GUCY1A2: variants seen among roughly 807,000 people sequenced by gnomAD.
GUCY1A2 encodes the protein guanylate cyclase 1 soluble subunit alpha 2, also known as guanylate cyclase soluble subunit alpha-2.
In GUCY1A2, 27 loss-of-function variants were observed where a neutral mutation model predicts 63.5. The ratio of observed to expected loss-of-function variants is 0.43; its 90% CI spans 0.31 to 0.59. GUCY1A2 has a LOEUF of 0.59. GUCY1A2 is among the 20% of genes least tolerant of loss of function. The probability of loss-of-function intolerance (pLI) is 0.11; values close to 1 mark genes in which losing one functional copy is unlikely to be tolerated. For missense variants in GUCY1A2, 768 were observed against 913.3 expected (o/e 0.84, Z 2.05); for synonymous variants, 364 against 343.5 (o/e 1.06, Z -0.66).
intron 4 of GUCY1A2, among the ~76,000 whole-genome samples, chr11:106,886,988 T>C (rs535033272): frequency 6.6e-6 from 1 of 152,220 alleles, no homozygotes; most frequent in Admixed American, 6.5e-5. Flanking sequence ...GGCATATCTC[T>C]TTTGCTTCAA....
At chr11:106,824,763 T>G in intron 4 of GUCY1A2, 1 of 1,518,500 alleles carries the variant, frequency 6.6e-7, no homozygotes. Flanking sequence ...AATAGCTGGA[T>G]TTTTACCAAG....
chr11:106,721,064 A>ATT (rs1285240704), intron 6 of GUCY1A2, among the ~76,000 whole-genome samples: 6 of 102,588 alleles, frequency 5.8e-5, no homozygotes, highest in African/African-American at 1.2e-4. Context: ...CATATTTGCA[A>ATT]ATTTTTTTTT....
chr11:106,967,083 G>C (rs931764709), intron 3 of GUCY1A2, among the ~76,000 whole-genome samples: 33 of 152,258 alleles, frequency 2.2e-4, no homozygotes, highest in African/African-American at 7.9e-4. Context: ...TATGGCAATT[G>C]GGTATTTTCA....
intron 6 of GUCY1A2, among the ~76,000 whole-genome samples, chr11:106,771,654 A>C (rs1286909602): frequency 6.6e-6 from 1 of 151,962 alleles, no homozygotes; most frequent in African/African-American, 2.4e-5. Context: ...CCAGAGACTG[A>C]GTTGGGAGGA....
At chr11:106,705,846 T>A (rs1044512551) in intron 7 of GUCY1A2, among the ~76,000 whole-genome samples, 12 of 151,770 alleles carry the variant, frequency 7.9e-5, no homozygotes, top group African/African-American at 2.7e-4. Flanking sequence ...GGCGACAGAG[T>A]AAGACTCGTC....
At chr11:106,700,279 G>C (rs773054445) in intron 7 of GUCY1A2, among the ~76,000 whole-genome samples, 5 of 151,896 alleles carry the variant, frequency 3.3e-5, no homozygotes, top group African/African-American at 7.3e-5. Flanking sequence ...TAAATATGCT[G>C]GTAAATATAT....
chr11:106,911,888 C>T (rs1357345765), intron 4 of GUCY1A2, among the ~76,000 whole-genome samples: 1 of 151,950 alleles, frequency 6.6e-6, no homozygotes, highest in Non-Finnish European at 1.5e-5. Flanking sequence ...GGCAAAACAA[C>T]CAAATACTCT....
intron 4 of GUCY1A2, among the ~76,000 whole-genome samples, chr11:106,908,729 C>T (rs182262494): frequency 4.9e-4 from 75 of 152,038 alleles, no homozygotes; most frequent in African/African-American, 1.6e-3. Context: ...AACTTATTGA[C>T]CAAGAGGATA....
At chr11:106,730,274 C>A (rs1863480285) in intron 6 of GUCY1A2, among the ~76,000 whole-genome samples, 1 of 151,472 alleles carries the variant, frequency 6.6e-6, no homozygotes, top group Non-Finnish European at 1.5e-5. Context: ...TCTCCTCCTA[C>A]CCCCTGCCCT....
At chr11:106,952,120 A>G (rs982587721) in intron 3 of GUCY1A2, among the ~76,000 whole-genome samples, 2 of 152,152 alleles carry the variant, frequency 1.3e-5, no homozygotes, top group South Asian at 2.1e-4. Flanking sequence ...TACCAGTACC[A>G]TGCTATTTTG....
intron 1 of GUCY1A2, among the ~76,000 whole-genome samples, chr11:106,988,981 C>A (rs890291117): frequency 4.6e-5 from 7 of 152,208 alleles, no homozygotes; most frequent in Admixed American, 3.3e-4. Flanking sequence ...ATGATTTCTG[C>A]CTCTGGGGTG....
chr11:106,822,020 G>C (rs1253684019), intron 4 of GUCY1A2, among the ~76,000 whole-genome samples: 1 of 152,076 alleles, frequency 6.6e-6, no homozygotes, highest in African/African-American at 2.4e-5. Context: ...CAAATAACTA[G>C]AATTTAGGCT....
At chr11:106,957,305 T>A (rs893490644) in intron 3 of GUCY1A2, among the ~76,000 whole-genome samples, 2 of 150,894 alleles carry the variant, frequency 1.3e-5, no homozygotes, top group Non-Finnish European at 3.0e-5. Flanking sequence ...GCTGGTTGCC[T>A]CTTCTTCCCC....
At chr11:106,718,623 C>CA (rs931617459) in intron 6 of GUCY1A2, among the ~76,000 whole-genome samples, 1 of 151,704 alleles carries the variant, frequency 6.6e-6, no homozygotes, top group African/African-American at 2.4e-5. Context: ...TACCTCTGTG[C>CA]AAAAAAAGTC....
intron 4 of GUCY1A2, among the ~76,000 whole-genome samples, chr11:106,823,462 G>A (rs186972136): frequency 1.3e-5 from 2 of 152,228 alleles, no homozygotes; most frequent in East Asian, 3.9e-4. Flanking sequence ...TACTTGGCAT[G>A]CATATACCAC....
At chr11:106,744,398 C>T (rs986156440) in intron 6 of GUCY1A2, among the ~76,000 whole-genome samples, 1 of 152,134 alleles carries the variant, frequency 6.6e-6, no homozygotes. Context: ...AGGCACCCAC[C>T]ACCACACCCG....
rs745524022 is a variant in GUCY1A2, at chr11:106,683,857, C to G, written c.*3692G>C. 1 of 206,112 alleles carries G rather than the reference C, an allele frequency of 4.9e-6. No individual in the cohort carries two copies. The highest frequency in any genetic ancestry group is 2.3e-5 in the African/African-American group (1 of 43,766). 12.8% of individuals were successfully genotyped at this position (206,112 alleles called of 1,614,324 possible). On this transcript the variant is annotated 3_prime_UTR_variant, in exon 8 of 8. Coordinates refer to ENST00000526355, the MANE Select transcript of GUCY1A2 (RefSeq NM_000855.3). ...TTTTGAGCTCCTACCTGATGCCTTA[C>G]GACTTTAGATACACAATTTCATTCA...
chr11:106,940,071 A>T lies in GUCY1A2; in HGVS notation c.595T>A (p.Phe199Ile). 6.2e-7 allele frequency: 1 copy of T among 1,613,644 alleles called. No individual in the cohort carries two copies. The highest frequency in any genetic ancestry group is 8.5e-7 in the Non-Finnish European group (1 of 1,179,538). ...LRAVGGTLQD[F>I]FNGFDALLEH... ...AACAAAGCATCAAAGCCGTTAAAAA[A>T]GTCCTGCAAAGTGCCACCTACAGCT... Residue 199 changes from phenylalanine (F) to isoleucine (I), a missense_variant, in exon 4 of 8, where the codon TTT (phenylalanine) becomes ATT (isoleucine). Phe to Ile is a conservative substitution (Grantham distance 21). Around this residue, in one of 3 missense-constraint regions of GUCY1A2, gnomAD observed 496 missense variants for 486.9 expected, o/e 1.02. Coordinates refer to ENST00000526355, the MANE Select transcript of GUCY1A2 (RefSeq NM_000855.3).
chr11:106,992,325 C>CTTT (rs11297661), intron 1 of GUCY1A2, among the ~76,000 whole-genome samples: 32 of 113,748 alleles, frequency 2.8e-4, no homozygotes, highest in East Asian at 5.5e-4. Flanking sequence ...AAGAATATGT[C>CTTT]TTTTTTTTTT....
Sources: allele counts gnomAD v4.1 joint callset (sites outside exome capture counted in the v4.1 genomes callset), GRCh38; gene constraint gnomAD v4.1.1; regional missense constraint gnomAD v4.1.1; transcripts MANE v1.5; gene names NCBI Gene and HGNC (gene_info 2026-07-23, HGNC 2026-07-21).